The following COL15A1 variants were observed in gnomAD, a reference collection of about 807,000 sequenced individuals.
COL15A1 encodes the protein collagen alpha-1(XV) chain.
A neutral mutation model predicts 165.9 loss-of-function variants in COL15A1; 111 were observed. That is an observed-to-expected ratio of 0.67 (90% CI 0.57 to 0.78). COL15A1 has a LOEUF of 0.78. Ranked by LOEUF, COL15A1 falls within the 30% of genes least tolerant of loss-of-function variation. The pLI is 0.00. For synonymous variants in COL15A1, 659 were observed against 674.8 expected (o/e 0.98, Z 0.36); for missense variants, 1,745 against 1,789.7 (o/e 0.98, Z 0.45).
chr9:98,981,116 T>C (rs1042739176), intron 2 of COL15A1, among the ~76,000 whole-genome samples: 1 of 152,152 alleles, frequency 6.6e-6, no homozygotes, highest in East Asian at 1.9e-4. Context: ...GAAATGTGAA[T>C]CAACCCATTG....
chr9:99,011,423 A>AAAAAAAAAC lies in COL15A1; in HGVS notation c.1354-3993_1354-3992insAAAAAAACA, dbSNP rs548063268. On this transcript the variant is annotated intron_variant, in intron 9 of 41. Coordinates refer to ENST00000375001, the MANE Select transcript of COL15A1 (RefSeq NM_001855.5). The stretch of plus-strand genomic sequence containing the variant: ...CTCTTTCTGAAAAAAAAAAAAAAAA[A>AAAAAAAAAC]AGTCATTTTATTCTAGGACAAAATT... Among the ~76,000 whole-genome samples, 734 of 135,100 alleles carry AAAAAAAAAC rather than the reference A, an allele frequency of 5.4e-3. 32 individuals are homozygous for AAAAAAAAAC. The highest frequency in any genetic ancestry group is 0.012 in the African/African-American group (416 of 35,450). The allele number at this position is 135,100 out of a possible 152,430, so 88.6% of individuals were successfully genotyped here.
intron 9 of COL15A1, among the ~76,000 whole-genome samples, chr9:99,011,801 G>T (rs938044084): frequency 6.6e-6 from 1 of 151,978 alleles, no homozygotes; most frequent in African/African-American, 2.4e-5. Context: ...ACTGTACCTA[G>T]ATTACTGTAT....
At chr9:99,062,156 T>C in intron 37 of COL15A1, 57 bp downstream of exon 37, 1 of 1,606,178 alleles carries the variant, frequency 6.2e-7, no homozygotes, top group Admixed American at 1.7e-5. Context: ...AAAATAATAA[T>C]CTACTCCCAT....
intron 16 of COL15A1, among the ~76,000 whole-genome samples, chr9:99,031,875 A>G (rs971738676): frequency 3.9e-5 from 6 of 152,210 alleles, no homozygotes; most frequent in Non-Finnish European, 8.8e-5. Flanking sequence ...TCCTCCAGTC[A>G]TATTTTCACA....
chr9:98,951,562 T>A (rs2118759219), intron 2 of COL15A1, among the ~76,000 whole-genome samples: 1 of 152,268 alleles, frequency 6.6e-6, no homozygotes, highest in East Asian at 1.9e-4. Flanking sequence ...CTAGTGCCAT[T>A]TTTATTCTAT....
intron 5 of COL15A1, among the ~76,000 whole-genome samples, chr9:98,991,891 A>G (rs1838440582): frequency 6.6e-6 from 1 of 152,032 alleles, no homozygotes; most frequent in African/African-American, 2.4e-5. Flanking sequence ...GCTAGACATA[A>G]AAGTTCTCCA....
chr9:98,973,812 G>C (rs1256862460), intron 2 of COL15A1, among the ~76,000 whole-genome samples: 1 of 152,362 alleles, frequency 6.6e-6, no homozygotes, highest in Non-Finnish European at 1.5e-5. Context: ...TGAAAGAACC[G>C]GCAGTTAGGG....
intron 11 of COL15A1, among the ~76,000 whole-genome samples, chr9:99,017,674 C>G (rs535348051): frequency 6.6e-6 from 1 of 152,164 alleles, no homozygotes; most frequent in Admixed American, 6.5e-5. Context: ...CTGGATTGAC[C>G]CGCTCATGCA....
intron 35 of COL15A1, 22 bp downstream of exon 35, chr9:99,056,426 C>G: frequency 6.3e-7 from 1 of 1,588,014 alleles, no homozygotes. Context: ...AAACAGTGCC[C>G]TTGTTCATGC....
intron 2 of COL15A1, 128 bp from the exon 3 acceptor site, chr9:98,985,437 C>G (rs1838291425): frequency 3.2e-6 from 3 of 944,108 alleles, no homozygotes; most frequent in Non-Finnish European, 4.6e-6. Context: ...GAAAAACAAC[C>G]ATTTAGGAAC....
chr9:99,068,606 C>G lies in COL15A1; in HGVS notation c.3889C>G (p.Gln1297Glu). ...CTCAATTTTTTCTGGCCACGGAGGTCAGTTCAATATGCATATTCCAATATA... is the reference window on the plus strand; with the variant it reads ...CTCAATTTTTTCTGGCCACGGAGGTGAGTTCAATATGCATATTCCAATATA... ...WDSIFSGHGG[Q>E]FNMHIPIYSF... Residue 1297 changes from glutamine (Q) to glutamate (E), a missense_variant, in exon 41 of 42, where the codon CAG becomes GAG. Coordinates refer to ENST00000375001, the MANE Select transcript of COL15A1 (RefSeq NM_001855.5). 6.4e-7 allele frequency: 1 copy of G among 1,551,104 alleles called. No individual in the cohort carries two copies. Among genetic ancestry groups the G allele is most frequent in the Non-Finnish European group, 8.6e-7 (1 of 1,158,698 alleles).
intron 4 of COL15A1, 123 bp downstream of exon 4, chr9:98,987,491 C>T: frequency 2.4e-6 from 2 of 846,464 alleles, no homozygotes; most frequent in Non-Finnish European, 3.6e-6. Context: ...ACTGCTGCCT[C>T]AAGTCCTATT....
chr9:99,017,147 G>C (rs1838950506), intron 11 of COL15A1, among the ~76,000 whole-genome samples: 1 of 152,218 alleles, frequency 6.6e-6, no homozygotes, highest in South Asian at 2.1e-4. Flanking sequence ...TCACAATCAA[G>C]CGGCAGGAAG....
At chr9:98,981,641 T>G (rs933939754) in intron 2 of COL15A1, among the ~76,000 whole-genome samples, 2 of 152,060 alleles carry the variant, frequency 1.3e-5, no homozygotes, top group East Asian at 3.9e-4. Flanking sequence ...ACGTATCGAG[T>G]GGACATACAA....
chr9:98,959,227 C>CAAAAAAAAAAA (rs60892848), intron 2 of COL15A1, among the ~76,000 whole-genome samples: 7 of 73,170 alleles, frequency 9.6e-5, no homozygotes, highest in African/African-American at 1.1e-4. Flanking sequence ...CCTGTCTCTA[C>CAAAAAAAAAAA]AAAAAAAAAA....
At chr9:99,065,497 T>C (rs975197817) in intron 39 of COL15A1, among the ~76,000 whole-genome samples, 1 of 151,870 alleles carries the variant, frequency 6.6e-6, no homozygotes, top group Non-Finnish European at 1.5e-5. Flanking sequence ...TCTGGTGGCC[T>C]GCCTGTGATT....
At position 99,026,365 on chromosome 9, in the gene COL15A1, G is replaced by A. The variant is rs550927608; in HGVS notation, c.2043+399G>A. Among the ~76,000 whole-genome samples, 5 of 152,260 alleles carry A rather than the reference G, an allele frequency of 3.3e-5. No individual in the cohort carries two copies. The East Asian group carries it at 9.6e-4, about 29-fold the overall frequency. ...CTCATCTCTTCTCATTCGCACGGTG[G>A]CCTTGGGCTCCCAGTTGCTGTCCCA... On this transcript the variant is annotated intron_variant, in intron 16 of 41. Coordinates refer to ENST00000375001, the MANE Select transcript of COL15A1 (RefSeq NM_001855.5).
intron 36 of COL15A1, 60 bp from the exon 37 acceptor site, chr9:99,061,911 T>C: frequency 6.4e-7 from 1 of 1,562,976 alleles, no homozygotes. Context: ...GGCCAGGTTA[T>C]CAGATGGTGC....
rs531548148 is a variant in COL15A1 at position 99,040,390 on chromosome 9, G to T, written c.2476-131G>T. 2,473 of 1,458,696 alleles carry T rather than the reference G, an allele frequency of 1.7e-3. 4 individuals carry two copies. Among genetic ancestry groups the T allele is most frequent in the Non-Finnish European group, 2.2e-3 (2,343 of 1,053,306 alleles). 90.4% of individuals were successfully genotyped at this position (1,458,696 alleles called of 1,614,324 possible). ...CTCACAGGGCCCCTTCTTCCCTAAT[G>T]CTGTGTCAATCCGTCTTCCCAGCTG... is the stretch of plus-strand genomic sequence containing the variant. On this transcript the variant is annotated intron_variant, in intron 22 of 41. Coordinates refer to ENST00000375001, the MANE Select transcript of COL15A1 (RefSeq NM_001855.5).
Sources: gnomAD v4.1 joint callset for allele counts (sites outside exome capture counted in the v4.1 genomes callset) on GRCh38, gnomAD v4.1.1 for gene constraint, MANE v1.5 for transcripts, NCBI Gene and HGNC (gene_info 2026-07-23, HGNC 2026-07-21) for gene names.